The following PAK4 variants were observed in gnomAD, a reference collection of about 807,000 sequenced individuals.
PAK4 encodes the protein p21 (RAC1) activated kinase 4.
In PAK4, 49 loss-of-function variants were observed where a neutral mutation model predicts 53.5. The ratio of observed to expected loss-of-function variants is 0.92; its 90% confidence interval spans 0.73 to 1.16. The LOEUF (loss-of-function observed/expected upper bound fraction) is 1.16, where lower values mean the gene tolerates loss of function less well. Among genes scored for constraint, PAK4 ranks in the 50% most tolerant of loss-of-function variants. PAK4 has a pLI of 0.00. For synonymous variants in PAK4, 376 were observed against 375.6 expected (o/e 1.00, Z -0.01); for missense variants, 824 against 850.7 (o/e 0.97, Z 0.39).
chr19:39,143,063 G>A (rs1057131977), intron 1 of PAK4, among the ~76,000 whole-genome samples: 6 of 151,884 alleles, frequency 4.0e-5, no homozygotes, highest in African/African-American at 1.2e-4. Context: ...TTGCTCAGAC[G>A]CCACCCCTTT....
At chr19:39,135,981 T>C (rs73549593) in intron 1 of PAK4, among the ~76,000 whole-genome samples, 3,799 of 149,584 alleles carry the variant, frequency 0.025, 164 homozygotes, top group African/African-American at 0.087. Flanking sequence ...TCCTCTTCCT[T>C]GTCACTCCCC....
rs369955392 is a variant in PAK4 at position 39,177,159 on chromosome 19, G to A, written c.1485+444G>A. On this transcript the variant is annotated intron_variant, in intron 7 of 8. Coordinates refer to ENST00000358301, the Ensembl canonical transcript of PAK4. Reference sequence around the variant, plus strand: ...TGGGATTACAGATGTGAGCCACCGCGCCCAGCCTTGGCTCTGCCTTCTGAG... The same window carrying A: ...TGGGATTACAGATGTGAGCCACCGCACCCAGCCTTGGCTCTGCCTTCTGAG... 1.5e-3 allele frequency among the ~76,000 whole-genome samples: 224 copies of A among 152,312 alleles called. 1 individual carries two copies. Among genetic ancestry groups the A allele is most frequent in the African/African-American group, 4.2e-3 (175 of 41,582 alleles).
Position 39,173,707 on chromosome 19 carries a change from C to A in PAK4, c.795C>A (p.His265Gln). 2 of 1,581,634 alleles carry A rather than the reference C, an allele frequency of 1.3e-6. No homozygotes were observed. Among genetic ancestry groups the A allele is most frequent in the South Asian group, 1.1e-5 (1 of 88,038 alleles). The change falls in exon 4 of 9, where the codon CAC (histidine) becomes CAA (glutamine). Residue 265 changes from histidine to glutamine, a missense_variant. Physicochemically the swap from His to Gln is conservative, Grantham distance 24 (BLOSUM62 0). Around this residue, in one of 2 missense-constraint regions of PAK4, gnomAD observed 478 missense variants for 435.8 expected, o/e 1.10. Coordinates refer to ENST00000358301, the Ensembl canonical transcript of PAK4. This position sits in a 1 kb window ranked among gnomAD's most constrained non-coding sequence, Gnocchi z 6.9. Reference sequence around the variant, plus strand: ...CCAGCCCTGGAGTGCTGGGACCCCACGCCTCAGAGCCCCAGCTGGCCCCTC... The same window carrying A: ...CCAGCCCTGGAGTGCTGGGACCCCAAGCCTCAGAGCCCCAGCTGGCCCCTC...
intron 6 of PAK4, 101 bp from the exon 8 acceptor site, chr19:39,176,489 G>A (rs897184435): frequency 4.0e-6 from 6 of 1,497,904 alleles, no homozygotes; most frequent in South Asian, 2.3e-5. Flanking sequence ...CCTCTGGGCC[G>A]CACATTGTGT....
At chr19:39,160,054 TG>T (rs2074259361) in intron 1 of PAK4, among the ~76,000 whole-genome samples, 1 of 152,186 alleles carries the variant, frequency 6.6e-6, no homozygotes, top group African/African-American at 2.4e-5. Context: ...CCCCCTGCAG[TG>T]GGGAGGGCCT....
intron 1 of PAK4, among the ~76,000 whole-genome samples, chr19:39,148,466 C>CTTTTTTATTT (rs2074039946): frequency 1.8e-5 from 1 of 56,786 alleles, no homozygotes; most frequent in African/African-American, 7.6e-5. Context: ...GTTTCTTCTG[C>CTTTTTTATTT]TTTTTTTTTT....
At chr19:39,155,571 C>A (rs941898306) in intron 1 of PAK4, among the ~76,000 whole-genome samples, 1 of 152,200 alleles carries the variant, frequency 6.6e-6, no homozygotes, top group Non-Finnish European at 1.5e-5. Flanking sequence ...GAAACAGTTA[C>A]ACCTGCGAGC....
At chr19:39,139,533 A>G (rs762395399) in intron 1 of PAK4, among the ~76,000 whole-genome samples, 3 of 152,128 alleles carry the variant, frequency 2.0e-5, no homozygotes, top group Admixed American at 2.0e-4. Context: ...GCCTGACTTC[A>G]TTCCTTGCAT....
At chr19:39,133,181 G>T (rs747956062) in intron 1 of PAK4, among the ~76,000 whole-genome samples, 1 of 152,326 alleles carries the variant, frequency 6.6e-6, no homozygotes, top group African/African-American at 2.4e-5. Flanking sequence ...CTGTGCCCGG[G>T]TGTCCTCATC....
chr19:39,161,025 CCT>C lies in PAK4; in HGVS notation c.-22-8503_-22-8502del, dbSNP rs1247950665. Among the ~76,000 whole-genome samples, 3 of 152,306 alleles carry C rather than the reference CCT, an allele frequency of 2.0e-5. No individual in the cohort carries two copies. In the East Asian group the frequency reaches 5.8e-4, roughly 29 times the overall value. ...TGGATAGCCCTGGGCAGTGAGTTCC[CCT>C]CTCGGCCTCAGTTTCCTGGTTTGGG... On this transcript the variant is annotated intron_variant, in intron 1 of 8. Transcript: ENST00000358301. The surrounding 1 kb of genome is among the most constrained non-coding windows in gnomAD (Gnocchi z 4.5).
At chr19:39,163,324 T>C (rs1219979232) in intron 1 of PAK4, among the ~76,000 whole-genome samples, 19 of 152,112 alleles carry the variant, frequency 1.2e-4, no homozygotes. Context: ...GCTCTGCCCC[T>C]GGGCCCCTGT....
At chr19:39,157,724 C>T (rs958449428) in intron 1 of PAK4, among the ~76,000 whole-genome samples, 7 of 152,362 alleles carry the variant, frequency 4.6e-5, no homozygotes, top group South Asian at 2.1e-4. Context: ...TACGGGCCGC[C>T]GCGAGGTGCT....
chr19:39,129,699 C>T (rs1187615890), intron 1 of PAK4, among the ~76,000 whole-genome samples: 1 of 147,544 alleles, frequency 6.8e-6, no homozygotes, highest in Non-Finnish European at 1.5e-5. Flanking sequence ...GGGACCTCGT[C>T]CCCACTGACT....
At chr19:39,136,740 CT>C (rs1170827297) in intron 1 of PAK4, among the ~76,000 whole-genome samples, 2 of 152,214 alleles carry the variant, frequency 1.3e-5, no homozygotes, top group African/African-American at 4.8e-5. Context: ...GTGGTAGTCT[CT>C]CAGTAAATGC....
chr19:39,139,257 C>T (rs962996672), intron 1 of PAK4, among the ~76,000 whole-genome samples: 1 of 148,012 alleles, frequency 6.8e-6, no homozygotes. Flanking sequence ...GGTGATCAGC[C>T]GCACGGCCCC....
chr19:39,145,257 C>T (rs1489684084), intron 1 of PAK4, among the ~76,000 whole-genome samples: 4 of 152,102 alleles, frequency 2.6e-5, no homozygotes, highest in Admixed American at 1.3e-4. Flanking sequence ...GGGCCCCAGG[C>T]GTCGCTGGCC....
chr19:39,176,874 C>CTT lies in PAK4; in HGVS notation c.1485+170_1485+171dup, dbSNP rs34636072. The stretch of plus-strand genomic sequence containing the variant: ...TGCAGGCATGCATGTATTCATTCTT[C>CTT]TTTTTTTTTTTTGAGATGGAGTCTC... On this transcript the variant is annotated intron_variant, in intron 7 of 8. Transcript: ENST00000358301. Among the ~76,000 whole-genome samples the CTT allele has an allele frequency of 2.6e-3, 380 of 147,008 alleles. 3 individuals are homozygous for CTT. Among genetic ancestry groups the CTT allele is most frequent in the Non-Finnish European group, 1.8e-3 (120 of 66,294 alleles).
chr19:39,143,592 C>CAAAAAAAA (rs544304301), intron 1 of PAK4, among the ~76,000 whole-genome samples: 211 of 20,446 alleles, frequency 0.01, 36 homozygotes, highest in Non-Finnish European at 0.014. Context: ...GACTCTGTCT[C>CAAAAAAAA]AAAAAAAAAA....
intron 1 of PAK4, among the ~76,000 whole-genome samples, chr19:39,165,640 C>CATGTAAA (rs2074363574): frequency 6.6e-6 from 1 of 152,208 alleles, no homozygotes. Flanking sequence ...CAGTGCCTTC[C>CATGTAAA]ATACACAACC....
Sources: gnomAD v4.1 joint callset for allele counts (sites outside exome capture counted in the v4.1 genomes callset) on GRCh38, gnomAD v4.1.1 for gene constraint, gnomAD v4.1.1 regional missense constraint, Gnocchi (gnomAD v3.1) non-coding constraint, MANE v1.5 for transcripts, NCBI Gene and HGNC (gene_info 2026-07-23, HGNC 2026-07-21) for gene names.